The following VWC2 variants were observed in gnomAD, a reference collection of about 807,000 sequenced individuals.
VWC2 encodes von Willebrand factor C domain containing 2.
VWC2 carries 14 observed loss-of-function variants against 29.8 expected under a neutral mutation model. The observed-to-expected ratio is 0.47, with a 90% CI of 0.31 to 0.74. The LOEUF (loss-of-function observed/expected upper bound fraction) is 0.74. Among genes scored for constraint, VWC2 ranks in the 30% least tolerant of loss-of-function variants. The pLI is 0.05. For missense variants in VWC2, 457 were observed against 459.8 expected (o/e 0.99, Z 0.05); for synonymous variants, 213 against 199.0 (o/e 1.07, Z -0.59).
At chr7:49,887,850 T>C (rs1791966340) in intron 3 of VWC2, among the ~76,000 whole-genome samples, 1 of 152,260 alleles carries the variant, frequency 6.6e-6, no homozygotes, top group African/African-American at 2.4e-5. Context: ...ACAAATGTTC[T>C]AGCCTACTGC....
intron 2 of VWC2, among the ~76,000 whole-genome samples, chr7:49,784,142 T>G (rs1788243635): frequency 6.6e-6 from 1 of 152,230 alleles, no homozygotes; most frequent in African/African-American, 2.4e-5. Context: ...GATGGGGTAC[T>G]GTGTAATTTT....
intron 2 of VWC2, 91 bp downstream of exon 2, chr7:49,776,222 G>A (rs1788051775): frequency 9.5e-6 from 11 of 1,152,184 alleles, no homozygotes; most frequent in Middle Eastern, 2.0e-4. Flanking sequence ...TGAAGAAGAG[G>A]TGCTCTCTGG....
At chr7:49,860,934 G>T (rs1360700895) in intron 3 of VWC2, among the ~76,000 whole-genome samples, 5 of 152,148 alleles carry the variant, frequency 3.3e-5, no homozygotes, top group African/African-American at 1.2e-4. Flanking sequence ...CTTGACCTTG[G>T]ACTTTCTGCC....
chr7:49,892,023 C>CA (rs1792152279), intron 3 of VWC2, among the ~76,000 whole-genome samples: 1 of 130,152 alleles, frequency 7.7e-6, no homozygotes, highest in Non-Finnish European at 1.6e-5. Context: ...GCAGAACAGA[C>CA]AAAGTAGATT....
intron 3 of VWC2, among the ~76,000 whole-genome samples, chr7:49,905,092 T>A (rs1401267361): frequency 3.3e-5 from 5 of 151,796 alleles, no homozygotes; most frequent in African/African-American, 1.2e-4. Context: ...AAAAATCACT[T>A]AAGATGAAGA....
chr7:49,799,439 C>G (rs1448144933), intron 2 of VWC2, among the ~76,000 whole-genome samples: 1 of 152,234 alleles, frequency 6.6e-6, no homozygotes, highest in East Asian at 1.9e-4. Flanking sequence ...AGCAGGGCAC[C>G]TGGCTGGCAT....
chr7:49,874,590 A>G (rs544891075), intron 3 of VWC2, among the ~76,000 whole-genome samples: 1 of 152,280 alleles, frequency 6.6e-6, no homozygotes, highest in East Asian at 1.9e-4. Flanking sequence ...ATATACATGG[A>G]GAGAAAGAGA....
intron 3 of VWC2, among the ~76,000 whole-genome samples, chr7:49,893,041 A>T (rs1355825913): frequency 3.9e-5 from 6 of 152,208 alleles, no homozygotes; most frequent in African/African-American, 1.4e-4. Flanking sequence ...CTATATTGGA[A>T]TATGAACTTT....
chr7:49,919,719 A>C lies in VWC2; in HGVS notation c.*7534A>C, dbSNP rs1456845428. ...CTCCAAACAATAACAGCAATGGTGA[A>C]GGTTGTGGGTGGACAGAGGTAGTCC... On this transcript the variant is annotated 3_prime_UTR_variant, in exon 4 of 4. Transcript: ENST00000340652. 1.3e-5 allele frequency: 2 copies of C among 152,342 alleles called. No individual in the cohort carries two copies. The highest frequency in any genetic ancestry group is 2.9e-5 in the Non-Finnish European group (2 of 68,038). 9.4% of individuals were successfully genotyped at this position (152,342 alleles called of 1,614,324 possible).
chr7:49,807,885 A>T (rs1788913591), intron 3 of VWC2, among the ~76,000 whole-genome samples: 1 of 152,188 alleles, frequency 6.6e-6, no homozygotes, highest in South Asian at 2.1e-4. Context: ...ATCTATTTAA[A>T]TAATACCAAC....
At chr7:49,791,730 C>T (rs1439770105) in intron 2 of VWC2, among the ~76,000 whole-genome samples, 1 of 152,220 alleles carries the variant, frequency 6.6e-6, no homozygotes, top group Non-Finnish European at 1.5e-5. Context: ...CCATCCTCCT[C>T]CCTCGGGTCC....
At chr7:49,857,912 C>T (rs1472890943) in intron 3 of VWC2, among the ~76,000 whole-genome samples, 1 of 152,148 alleles carries the variant, frequency 6.6e-6, no homozygotes, top group Non-Finnish European at 1.5e-5. Context: ...TTTGGTGTTT[C>T]CACAGGTCTA....
chr7:49,800,502 C>T (rs1319045698), intron 2 of VWC2, among the ~76,000 whole-genome samples: 1 of 152,052 alleles, frequency 6.6e-6, no homozygotes, highest in African/African-American at 2.4e-5. Context: ...ACTATCTGAC[C>T]CGCTTGCTCC....
chr7:49,910,708 G>A (rs760286941), intron 3 of VWC2, among the ~76,000 whole-genome samples: 3 of 152,214 alleles, frequency 2.0e-5, no homozygotes, highest in Non-Finnish European at 4.4e-5. Context: ...TTTGTTGGCT[G>A]ATATATTATA....
At position 49,920,419 on chromosome 7, in the gene VWC2, T is replaced by G. The variant is rs1292339885; in HGVS notation, c.*8234T>G. 1 of 152,152 alleles carries G rather than the reference T, an allele frequency of 6.6e-6. No individual in the cohort carries two copies. Among genetic ancestry groups the G allele is most frequent in the Non-Finnish European group, 1.5e-5 (1 of 68,032 alleles). 9.4% of individuals were successfully genotyped at this position (152,152 alleles called of 1,614,324 possible). On this transcript the variant is annotated 3_prime_UTR_variant, in exon 4 of 4. Coordinates refer to ENST00000340652, the MANE Select transcript of VWC2 (RefSeq NM_198570.5). ...CAGTTACTCTCTCAATTTGCTGTGA[T>G]AGGAAAGGTGGATATAAATATAAGC...
At chr7:49,860,817 C>A (rs1408381344) in intron 3 of VWC2, among the ~76,000 whole-genome samples, 5 of 152,182 alleles carry the variant, frequency 3.3e-5, no homozygotes, top group Non-Finnish European at 5.9e-5. Context: ...GAAGAAGAGA[C>A]ACCAAGGATG....
In VWC2 at chr7:49,912,031, C is replaced by G; in HGVS notation, c.827-3C>G. On this transcript the variant is annotated splice_polypyrimidine_tract_variant and splice_region_variant and intron_variant, in intron 3 of 3. Coordinates refer to ENST00000340652, the MANE Select transcript of VWC2 (RefSeq NM_198570.5). The stretch of plus-strand genomic sequence containing the variant: ...TAGTATAAAACATTTTTCTGCATTT[C>G]AGGTCCAAACTGCTTTGCAGAAACC... The G allele has an allele frequency of 6.2e-7, 1 of 1,610,160 alleles. No homozygotes were observed. The highest frequency in any genetic ancestry group is 8.5e-7 in the Non-Finnish European group (1 of 1,178,642).
rs767519399 is a variant in VWC2 at position 49,802,785 on chromosome 7, G to A, written c.771G>A (p.Thr257=). The A allele has an allele frequency of 8.7e-6, 14 of 1,614,200 alleles. No homozygotes were observed. Among genetic ancestry groups the A allele is most frequent in the African/African-American group, 2.7e-5 (2 of 75,064 alleles). The change falls in exon 3 of 4, where the codon ACG becomes ACA. Residue 257 remains threonine (T), a synonymous_variant. Transcript: ENST00000340652. ...GCACAGTGTCAGCGTGTCCCCAGAC[G>A]GAGTGTGTGGACCCTGTGTACGAGC... ...VLCTVSACPQ[T]ECVDPVYEPD...
At chr7:49,899,122 C>G (rs796457282) in intron 3 of VWC2, among the ~76,000 whole-genome samples, 7 of 152,090 alleles carry the variant, frequency 4.6e-5, no homozygotes, top group African/African-American at 1.7e-4. Context: ...GACTATCCCC[C>G]CTTATCCACA....
Sources: allele counts gnomAD v4.1 joint callset (sites outside exome capture counted in the v4.1 genomes callset), GRCh38; gene constraint gnomAD v4.1.1; transcripts MANE v1.5; gene names NCBI Gene and HGNC (gene_info 2026-07-23, HGNC 2026-07-21).